The following TCOF1 variants were observed in gnomAD, a reference collection of about 807,000 sequenced individuals.
The protein encoded by TCOF1 is treacle ribosome biogenesis factor 1.
In TCOF1, 33 loss-of-function variants were observed where a neutral mutation model predicts 149.0. The ratio of observed to expected loss-of-function variants is 0.22; its 90% CI spans 0.17 to 0.30. The LOEUF (loss-of-function observed/expected upper bound fraction) is 0.30, where lower values mean the gene tolerates loss of function less well. Ranked by LOEUF, TCOF1 falls within the 10% of genes least tolerant of loss-of-function variation. TCOF1 has a pLI of 1.00. For synonymous variants in TCOF1, 789 were observed against 738.8 expected (o/e 1.07, Z -1.10); for missense variants, 1,728 against 1,840.7 (o/e 0.94, Z 1.12).
intron 5 of TCOF1, 30 bp from the exon 6 acceptor site, chr5:150,369,499 C>T (rs1359120705): frequency 3.1e-6 from 5 of 1,613,526 alleles, no homozygotes; most frequent in African/African-American, 1.3e-5. Context: ...GAAAGGGAGT[C>T]CCTCAGTCCC....
rs376431510 is a variant in TCOF1, at chr5:150,379,545, G to A, written c.2672G>A (p.Gly891Glu). 30 of 1,614,070 alleles carry A rather than the reference G, an allele frequency of 1.9e-5. No homozygotes were observed. The African/African-American group carries it at 3.2e-4, about 17-fold the overall frequency. ...AETLAQVKPS[G>E]KTHQIRAALA... ...TTCTCCCTCCAGGTGAAGCCTTCAG[G>A]GAAGACCCACCAGATCAGAGCTGCC... is the stretch of plus-strand genomic sequence containing the variant. The change falls in exon 17 of 27, where the codon GGG becomes GAG. Residue 891 changes from glycine (G) to glutamate (E), a missense_variant. Coordinates refer to ENST00000643257, the MANE Select transcript of TCOF1 (RefSeq NM_001371623.1).
At chr5:150,379,473 C>T in intron 16 of TCOF1, 59 bp from the exon 17 acceptor site, 1 of 1,614,118 alleles carries the variant, frequency 6.2e-7, no homozygotes, top group South Asian at 1.1e-5. Flanking sequence ...CATCCAGCTC[C>T]TGTCTTCTCA....
intron 17 of TCOF1, among the ~76,000 whole-genome samples, chr5:150,385,548 C>G (rs1766106224): frequency 6.6e-6 from 1 of 152,238 alleles, no homozygotes; most frequent in Non-Finnish European, 1.5e-5. Context: ...GTTAAGCAGC[C>G]TCAGGCAATT....
intron 17 of TCOF1, chr5:150,383,634 T>TA (rs1225780251): frequency 1.3e-5 from 16 of 1,204,222 alleles, no homozygotes; most frequent in Non-Finnish European, 1.6e-5. Context: ...AATCAAGCCT[T>TA]AGAGTTGAAG....
At chr5:150,382,511 G>A (rs368533188) in intron 17 of TCOF1, among the ~76,000 whole-genome samples, 12 of 152,322 alleles carry the variant, frequency 7.9e-5, no homozygotes, top group Middle Eastern at 6.8e-3. Context: ...GAAAAGGGGG[G>A]CCCCCATTCC....
chr5:150,381,476 G>A (rs1765162235), intron 17 of TCOF1, among the ~76,000 whole-genome samples: 1 of 152,250 alleles, frequency 6.6e-6, no homozygotes, highest in Non-Finnish European at 1.5e-5. Context: ...TGAACCTGAA[G>A]GATGACCAGG....
chr5:150,380,087 A>AAG (rs1491169648), intron 17 of TCOF1: 1 of 264,028 alleles, frequency 3.8e-6, no homozygotes, highest in African/African-American at 2.3e-5. Context: ...AAAAAAAAAG[A>AAG]AAAAAAAGAA....
At chr5:150,393,878 G>A (rs1345138134) in intron 23 of TCOF1, 1 of 372,100 alleles carries the variant, frequency 2.7e-6, no homozygotes, top group East Asian at 6.6e-5. Flanking sequence ...CGGTGTGATG[G>A]TGCACGCTTG....
intron 23 of TCOF1, chr5:150,393,856 A>C (rs774168126): frequency 2.4e-6 from 1 of 409,558 alleles, no homozygotes; most frequent in Non-Finnish European, 4.6e-6. Flanking sequence ...TCTAAAATTT[A>C]TTTTAATTAG....
rs1180149419 is a variant in TCOF1, at chr5:150,400,105, C to T, written c.*318C>T. The T allele has an allele frequency of 6.6e-6, 1 of 152,498 alleles. No individual in the cohort carries two copies. The highest frequency in any genetic ancestry group is 1.5e-5 in the Non-Finnish European group (1 of 68,296). The allele number at this position is 152,498 out of a possible 1,614,324, so 9.4% of individuals were successfully genotyped here. ...TCTCCTTCCACAGACCCCACATGCC[C>T]AAAGGCCTCGGGACTTCCCACCACC... On this transcript the variant is annotated 3_prime_UTR_variant, in exon 27 of 27. Transcript: ENST00000643257.
chr5:150,359,346 C>CAA (rs777626460), intron 1 of TCOF1, among the ~76,000 whole-genome samples: 4 of 110,498 alleles, frequency 3.6e-5, no homozygotes, highest in Admixed American at 9.4e-5. Context: ...GACTCCATCT[C>CAA]AAAAAAAAAA....
chr5:150,386,514 C>T (rs1396495361), intron 17 of TCOF1, among the ~76,000 whole-genome samples: 1 of 152,184 alleles, frequency 6.6e-6, no homozygotes, highest in East Asian at 1.9e-4. Flanking sequence ...AGGCACCTTT[C>T]TGTTTTACTT....
Position 150,376,460 on chromosome 5 carries a change from C to G in TCOF1, c.2180C>G (p.Ala727Gly). 6.2e-7 allele frequency: 1 copy of G among 1,614,232 alleles called. No individual in the cohort carries two copies. The highest frequency in any genetic ancestry group is 1.1e-5 in the South Asian group (1 of 91,086). The change falls in exon 14 of 27, where the codon GCC becomes GGC. Residue 727 changes from alanine to glycine, a missense_variant. Around this residue, in one of 2 missense-constraint regions of TCOF1, gnomAD observed 1,696 missense variants for 1,765.4 expected, o/e 0.96. Coordinates refer to ENST00000643257, the MANE Select transcript of TCOF1 (RefSeq NM_001371623.1). ...SVGKGLQVKA[A>G]SVPVKGSLGQ... Reference sequence around the variant, plus strand: ...GGGAAAGGCCTCCAGGTGAAAGCAGCCTCAGTGCCTGTCAAGGGGTCCTTG... The same window carrying G: ...GGGAAAGGCCTCCAGGTGAAAGCAGGCTCAGTGCCTGTCAAGGGGTCCTTG...
chr5:150,388,161 G>C lies in TCOF1; in HGVS notation c.3046+73G>C, dbSNP rs1404404366. On this transcript the variant is annotated intron_variant, in intron 18 of 26. Coordinates refer to ENST00000643257, the MANE Select transcript of TCOF1 (RefSeq NM_001371623.1). ...CCACATTGAGGCCCAGAAGGGACAG[G>C]ACACTGGCTGAGTCACATAGCAAGG... 1.9e-6 allele frequency: 3 copies of C among 1,593,792 alleles called. No individual in the cohort carries two copies. In the African/African-American group the frequency reaches 4.0e-5, roughly 21 times the overall value.
Position 150,379,553 on chromosome 5 carries a change from C to T in TCOF1, c.2680C>T (p.His894Tyr). The change falls in exon 17 of 27, where the codon CAC (histidine) becomes TAC (tyrosine). Residue 894 changes from histidine (H) to tyrosine (Y), a missense_variant. His to Tyr is a moderately conservative substitution (Grantham distance 83). Coordinates refer to ENST00000643257, the MANE Select transcript of TCOF1 (RefSeq NM_001371623.1). ...LAQVKPSGKT[H>Y]QIRAALAPAK... ...CCAGGTGAAGCCTTCAGGGAAGACC[C>T]ACCAGATCAGAGCTGCCTTGGCTCC... 1 of 1,614,212 alleles carries T rather than the reference C, an allele frequency of 6.2e-7. No individual in the cohort carries two copies. Among genetic ancestry groups the T allele is most frequent in the Non-Finnish European group, 8.5e-7 (1 of 1,180,032 alleles).
At position 150,392,696 on chromosome 5, in the gene TCOF1, C is replaced by A. The variant is rs1250191672; in HGVS notation, c.3518-9C>A. On this transcript the variant is annotated splice_polypyrimidine_tract_variant and intron_variant, in intron 21 of 26. Coordinates refer to ENST00000643257, the MANE Select transcript of TCOF1 (RefSeq NM_001371623.1). ...CTGGGGCTACCAACAGGATACTGTG[C>A]TTCTCCAGTAGGTCCCACCCCCTCC... 1.2e-6 allele frequency: 2 copies of A among 1,613,706 alleles called. No individual in the cohort carries two copies. The highest frequency in any genetic ancestry group is 1.7e-6 in the Non-Finnish European group (2 of 1,179,924).
At chr5:150,387,077 C>T (rs1766449340) in intron 17 of TCOF1, among the ~76,000 whole-genome samples, 1 of 152,250 alleles carries the variant, frequency 6.6e-6, no homozygotes, top group Admixed American at 6.5e-5. Flanking sequence ...GATTACTTTG[C>T]AGCCAGTCTC....
chr5:150,370,451 G>C (rs1375490156), intron 6 of TCOF1, among the ~76,000 whole-genome samples: 1 of 152,206 alleles, frequency 6.6e-6, no homozygotes, highest in Non-Finnish European at 1.5e-5. Flanking sequence ...CACCTCCCGG[G>C]TTCAAGCGAT....
In TCOF1 at chr5:150,379,268, T is replaced by G; in HGVS notation, c.2518T>G (p.Leu840Val). The change falls in exon 16 of 27, where the codon TTG (leucine) becomes GTG (valine). Residue 840 changes from leucine (L) to valine (V), a missense_variant. Leu to Val is a conservative substitution (Grantham distance 32). Coordinates refer to ENST00000643257, the MANE Select transcript of TCOF1 (RefSeq NM_001371623.1). ...PVRNPQNSTV[L>V]ARGPASVPSV... ...GAGAAACCCCCAGAACAGTACCGTC[T>G]TGGCGAGGGGCCCAGCATCTGTGCC... The G allele has an allele frequency of 6.2e-7, 1 of 1,614,200 alleles. No homozygotes were observed. Among genetic ancestry groups the G allele is most frequent in the Non-Finnish European group, 8.5e-7 (1 of 1,180,026 alleles).
Sources: allele counts gnomAD v4.1 joint callset (sites outside exome capture counted in the v4.1 genomes callset), GRCh38; gene constraint gnomAD v4.1.1; regional missense constraint gnomAD v4.1.1; transcripts MANE v1.5; gene names NCBI Gene and HGNC (gene_info 2026-07-23, HGNC 2026-07-21).